The following HDAC9 variants were observed in gnomAD, a reference collection of about 807,000 sequenced individuals.
HDAC9 encodes MEF-2 interacting transcription repressor (MITR) protein.
Under a neutral mutation model 139.4 loss-of-function variants are expected in HDAC9, and 41 were observed. The ratio of observed to expected loss-of-function variants is 0.29; its 90% CI spans 0.23 to 0.38. The LOEUF is 0.38. Among genes scored for constraint, HDAC9 ranks in the 10% least tolerant of loss-of-function variants. HDAC9 has a pLI of 1.00. For synonymous variants in HDAC9, 517 were observed against 476.2 expected (o/e 1.09, Z -1.12); for missense variants, 1,147 against 1,297.0 (o/e 0.88, Z 1.78).
chr7:18,315,020 A>G (rs1169157986), intron 1 of HDAC9, among the ~76,000 whole-genome samples: 4 of 152,290 alleles, frequency 2.6e-5, no homozygotes, highest in South Asian at 2.1e-4. Context: ...GCAAGAGTAC[A>G]TGAACTAAAT....
chr7:18,809,563 A>G (rs1415250535), intron 17 of HDAC9, among the ~76,000 whole-genome samples: 1 of 152,044 alleles, frequency 6.6e-6, no homozygotes, highest in East Asian at 1.9e-4. Context: ...AAGAAGTTAT[A>G]CAGACATATA....
At chr7:18,866,832 G>T (rs1296191404) in intron 21 of HDAC9, among the ~76,000 whole-genome samples, 1 of 152,166 alleles carries the variant, frequency 6.6e-6, no homozygotes, top group Middle Eastern at 3.2e-3. Flanking sequence ...ACATGCTGGG[G>T]TGAGTCATGG....
At chr7:18,443,431 C>T (rs923153935) in intron 1 of HDAC9, among the ~76,000 whole-genome samples, 1 of 152,060 alleles carries the variant, frequency 6.6e-6, no homozygotes, top group Non-Finnish European at 1.5e-5. Context: ...GAAGAACACA[C>T]ATGCACCTCA....
chr7:18,252,671 G>A (rs1396375983), intron 2 of HDAC9, among the ~76,000 whole-genome samples: 1 of 151,780 alleles, frequency 6.6e-6, no homozygotes, highest in African/African-American at 2.4e-5. Context: ...TTAGCTAATT[G>A]TGAAAGCTAG....
At chr7:18,192,208 T>A (rs1160392788) in intron 2 of HDAC9, among the ~76,000 whole-genome samples, 1 of 152,204 alleles carries the variant, frequency 6.6e-6, no homozygotes, top group Admixed American at 6.5e-5. Flanking sequence ...AATTTTTTTT[T>A]ATTTCAGGGA....
chr7:18,653,958 T>C, intron 11 of HDAC9, among the ~76,000 whole-genome samples: 1 of 152,104 alleles, frequency 6.6e-6, no homozygotes, highest in East Asian at 1.9e-4. Context: ...TTCATGCTTG[T>C]GGTCACATAC....
At chr7:18,461,990 G>A (rs1793890584) in intron 1 of HDAC9, among the ~76,000 whole-genome samples, 2 of 151,982 alleles carry the variant, frequency 1.3e-5, no homozygotes, top group African/African-American at 4.8e-5. Flanking sequence ...GAGCAGTGTG[G>A]TCGTGATCAC....
chr7:18,347,165 A>G (rs1165670854), intron 1 of HDAC9, among the ~76,000 whole-genome samples: 2 of 152,212 alleles, frequency 1.3e-5, no homozygotes, highest in Non-Finnish European at 2.9e-5. Flanking sequence ...TTCCAATCCT[A>G]GTTACCAGCA....
At chr7:18,760,593 G>A (rs999913962) in intron 14 of HDAC9, among the ~76,000 whole-genome samples, 1 of 152,156 alleles carries the variant, frequency 6.6e-6, no homozygotes, top group African/African-American at 2.4e-5. Flanking sequence ...AGACAATGCT[G>A]AATGATAGCA....
At chr7:18,222,891 T>C (rs1792801745) in intron 2 of HDAC9, among the ~76,000 whole-genome samples, 1 of 152,166 alleles carries the variant, frequency 6.6e-6, no homozygotes, top group African/African-American at 2.4e-5. Context: ...TTCTTACAAA[T>C]AGAACTGTTA....
intron 12 of HDAC9, among the ~76,000 whole-genome samples, chr7:18,685,668 G>A (rs1016747001): frequency 6.6e-6 from 1 of 151,946 alleles, no homozygotes; most frequent in Non-Finnish European, 1.5e-5. Flanking sequence ...AGTGAATGCT[G>A]ATTTACTATT....
chr7:18,591,475 ATGTGTG>A (rs36100341), intron 4 of HDAC9, 35 bp from the exon 5 acceptor site: 3,891 of 1,466,202 alleles, frequency 2.7e-3, no homozygotes, highest in South Asian at 9.4e-3. Context: ...CTGTGTGTGT[ATGTGTG>A]TGTGTGTGTG....
At chr7:18,422,731 GAC>G (rs935093406) in intron 1 of HDAC9, among the ~76,000 whole-genome samples, 8 of 99,648 alleles carry the variant, frequency 8.0e-5, no homozygotes, top group East Asian at 2.9e-4. Context: ...TTAGCTTTAA[GAC>G]ACACACACGC....
chr7:18,366,375 T>G (rs897868276), intron 1 of HDAC9, among the ~76,000 whole-genome samples: 5 of 152,130 alleles, frequency 3.3e-5, no homozygotes, highest in Admixed American at 2.0e-4. Context: ...GAATAAAAGT[T>G]TCTGGATCAT....
At chr7:18,476,109 C>G (rs1187004144) in intron 1 of HDAC9, among the ~76,000 whole-genome samples, 1 of 152,126 alleles carries the variant, frequency 6.6e-6, no homozygotes, top group Non-Finnish European at 1.5e-5. Context: ...TAGTCTTAAA[C>G]TTCAATTTTT....
intron 1 of HDAC9, among the ~76,000 whole-genome samples, chr7:18,451,090 A>G (rs1792773259): frequency 6.6e-6 from 1 of 152,178 alleles, no homozygotes; most frequent in Non-Finnish European, 1.5e-5. Flanking sequence ...GAAAGTGATT[A>G]GGTCAGAATG....
intron 2 of HDAC9, among the ~76,000 whole-genome samples, chr7:18,177,480 T>C (rs990908331): frequency 6.6e-6 from 1 of 152,198 alleles, no homozygotes; most frequent in Non-Finnish European, 1.5e-5. Flanking sequence ...CCCCACTCTG[T>C]TCAACATGTA....
At chr7:18,460,382 T>C (rs1793730951) in intron 1 of HDAC9, among the ~76,000 whole-genome samples, 1 of 152,178 alleles carries the variant, frequency 6.6e-6, no homozygotes, top group Non-Finnish European at 1.5e-5. Flanking sequence ...TTTTTTTCAA[T>C]TATATAAAAT....
At position 18,119,073 on chromosome 7, in the gene HDAC9, G is replaced by A. The variant is rs531523315; in HGVS notation, c.-97+31860G>A. On this transcript the variant is annotated intron_variant, in intron 1 of 12. Transcript: ENST00000417496. ...CCATAATTAGGGCCAAGCAAAAATT[G>A]GATGTTTCCTGTTTCACTTTTTGGT... is the stretch of plus-strand genomic sequence containing the variant. 2.6e-5 allele frequency among the ~76,000 whole-genome samples: 4 copies of A among 152,206 alleles called. No homozygotes were observed. The East Asian group carries it at 7.7e-4, about 29-fold the overall frequency.
Sources: gnomAD v4.1 joint callset for allele counts (sites outside exome capture counted in the v4.1 genomes callset) on GRCh38, gnomAD v4.1.1 for gene constraint, MANE v1.5 for transcripts, NCBI Gene and HGNC (gene_info 2026-07-23, HGNC 2026-07-21) for gene names.